The following SAMD3 variants were observed in gnomAD, a reference collection of about 807,000 sequenced individuals.
SAMD3 encodes the protein sterile alpha motif domain containing 3.
SAMD3 carries 63 observed loss-of-function variants against 58.5 expected under a neutral mutation model. The ratio of observed to expected loss-of-function variants is 1.08; its 90% CI spans 0.88 to 1.33. SAMD3 has a LOEUF of 1.33. Ranked by LOEUF, SAMD3 falls within the 40% of genes most tolerant of loss-of-function variation. The pLI is 0.00. For synonymous variants in SAMD3, 220 were observed against 210.3 expected (o/e 1.05, Z -0.40); for missense variants, 604 against 608.4 (o/e 0.99, Z 0.08).
At chr6:130,148,873 C>T (rs778668060) in intron 9 of SAMD3, among the ~76,000 whole-genome samples, 1 of 151,834 alleles carries the variant, frequency 6.6e-6, no homozygotes, top group Non-Finnish European at 1.5e-5. Context: ...CAAAAAAAAC[C>T]CAACCAAAAA....
intron 5 of SAMD3, among the ~76,000 whole-genome samples, chr6:130,199,638 G>T (rs988126492): frequency 2.6e-5 from 4 of 152,160 alleles, no homozygotes; most frequent in African/African-American, 9.7e-5. Context: ...AGTAGCTACT[G>T]CTAAGAAAAC....
intron 1 of SAMD3, among the ~76,000 whole-genome samples, chr6:130,360,674 G>A (rs917265913): frequency 2.0e-5 from 3 of 152,148 alleles, no homozygotes; most frequent in African/African-American, 7.2e-5. Flanking sequence ...CAGGAGACAG[G>A]GTTTGAGAGC....
In SAMD3 at chr6:130,289,659, C is replaced by T. The variant is rs555302124; in HGVS notation, c.-188+23319G>A. Among the ~76,000 whole-genome samples, 7 of 152,296 alleles carry T rather than the reference C, an allele frequency of 4.6e-5. No individual in the cohort carries two copies. In the South Asian group the frequency reaches 1.4e-3, roughly 32 times the overall value. On this transcript the variant is annotated intron_variant, in intron 2 of 13. Transcript: ENST00000368134. ...GGATTAGGGGCACCTGCCACCATGTCTGGCTAATTTTTGTATTTTCAGCAG... is the reference window on the plus strand; with the variant it reads ...GGATTAGGGGCACCTGCCACCATGTTTGGCTAATTTTTGTATTTTCAGCAG...
chr6:130,154,713 AAAAAAATATATATAT>A (rs71028198), intron 9 of SAMD3, 97 bp downstream of exon 9: 4,247 of 115,044 alleles, frequency 0.037, 79 homozygotes, highest in Non-Finnish European at 0.053. Flanking sequence ...AAAAAAAAAA[AAAAAAATATATATAT>A]ATATATATAT....
At chr6:130,151,186 G>A (rs563270008) in intron 9 of SAMD3, among the ~76,000 whole-genome samples, 5 of 152,156 alleles carry the variant, frequency 3.3e-5, no homozygotes, top group South Asian at 2.1e-4. Flanking sequence ...TGAGACCTCC[G>A]CATGCTGCTT....
chr6:130,328,722 C>T (rs1243475088), intron 1 of SAMD3, among the ~76,000 whole-genome samples: 1 of 152,174 alleles, frequency 6.6e-6, no homozygotes, highest in Non-Finnish European at 1.5e-5. Context: ...ATTTCTGAAC[C>T]TTAGAAAAGC....
intron 7 of SAMD3, among the ~76,000 whole-genome samples, chr6:130,178,164 C>T (rs557015089): frequency 1.2e-4 from 19 of 152,160 alleles, no homozygotes; most frequent in African/African-American, 2.2e-4. Context: ...TTAGTAGAGA[C>T]GAGGTTTCTC....
intron 1 of SAMD3, among the ~76,000 whole-genome samples, chr6:130,216,859 C>G (rs2114854712): frequency 6.6e-6 from 1 of 152,264 alleles, no homozygotes; most frequent in East Asian, 1.9e-4. Flanking sequence ...TCACACCTTT[C>G]TATCACACTT....
chr6:130,358,146 T>C (rs892928727), intron 1 of SAMD3, among the ~76,000 whole-genome samples: 3 of 152,238 alleles, frequency 2.0e-5, no homozygotes, highest in Non-Finnish European at 4.4e-5. Flanking sequence ...AGAATCTAAG[T>C]AGATAACATT....
intron 2 of SAMD3, among the ~76,000 whole-genome samples, chr6:130,235,063 G>A (rs1219163398): frequency 5.3e-5 from 8 of 152,070 alleles, no homozygotes; most frequent in South Asian, 4.1e-4. Context: ...TGCTGTGAGT[G>A]GTGATTGTGA....
chr6:130,348,834 C>T (rs1183753723), intron 1 of SAMD3, among the ~76,000 whole-genome samples: 2 of 152,080 alleles, frequency 1.3e-5, no homozygotes, highest in Non-Finnish European at 2.9e-5. Flanking sequence ...GGAAGTAAAG[C>T]ACTCCTCAGC....
chr6:130,227,712 T>A (rs6937996), upstream of SAMD3, among the ~76,000 whole-genome samples: 34,335 of 150,886 alleles, frequency 0.23, 8,633 homozygotes, highest in African/African-American at 0.63. Context: ...CGCTTGAACC[T>A]GGTAGGCAGA....
intron 2 of SAMD3, among the ~76,000 whole-genome samples, chr6:130,292,266 TCTTTC>T (rs796836207): frequency 3.5e-4 from 48 of 137,986 alleles, no homozygotes; most frequent in Non-Finnish European, 3.4e-4. Flanking sequence ...TTTTTTTCTT[TCTTTC>T]TTTTTTTTTT....
chr6:130,223,956 A>T (rs1289811037), upstream of SAMD3, among the ~76,000 whole-genome samples: 1 of 152,182 alleles, frequency 6.6e-6, no homozygotes, highest in African/African-American at 2.4e-5. Context: ...TCTTGCCTTA[A>T]TGTACCAGAA....
chr6:130,191,955 C>T (rs889579469), intron 5 of SAMD3, among the ~76,000 whole-genome samples: 3 of 152,300 alleles, frequency 2.0e-5, no homozygotes, highest in South Asian at 2.1e-4. Context: ...GCAGTTTCTT[C>T]GCTTACTTTG....
At chr6:130,204,903 A>G (rs1794954081) in intron 5 of SAMD3, among the ~76,000 whole-genome samples, 1 of 151,670 alleles carries the variant, frequency 6.6e-6, no homozygotes, top group Non-Finnish European at 1.5e-5. Context: ...GTGCTTTGAT[A>G]TGTTCTATCA....
intron 7 of SAMD3, among the ~76,000 whole-genome samples, chr6:130,178,499 CATGGGCCA>C (rs1408464591): frequency 6.6e-6 from 1 of 152,158 alleles, no homozygotes; most frequent in Non-Finnish European, 1.5e-5. Context: ...TCTATTTCCT[CATGGGCCA>C]ATGGGAATGA....
intron 7 of SAMD3, among the ~76,000 whole-genome samples, chr6:130,181,466 G>A (rs555701500): frequency 1.3e-5 from 2 of 152,282 alleles, no homozygotes; most frequent in South Asian, 4.1e-4. Context: ...TACTCTATGA[G>A]TGCAAATCTG....
chr6:130,146,619 A>G (rs1454772214), intron 9 of SAMD3, among the ~76,000 whole-genome samples: 2 of 152,228 alleles, frequency 1.3e-5, no homozygotes, highest in Non-Finnish European at 2.9e-5. Context: ...TAACCATAGT[A>G]TCCTAAATTT....
Sources: allele counts gnomAD v4.1 joint callset (sites outside exome capture counted in the v4.1 genomes callset), GRCh38; gene constraint gnomAD v4.1.1; transcripts MANE v1.5; gene names NCBI Gene and HGNC (gene_info 2026-07-23, HGNC 2026-07-21).